CIT: variants seen among roughly 807,000 people sequenced by gnomAD.
CIT encodes the protein citron Rho-interacting kinase.
A neutral mutation model predicts 272.7 loss-of-function variants in CIT; 79 were observed. The ratio of observed to expected loss-of-function variants is 0.29; its 90% CI spans 0.24 to 0.35. The LOEUF (loss-of-function observed/expected upper bound fraction) is 0.35. CIT is among the 10% of genes least tolerant of loss of function. The pLI is 1.00. For synonymous variants in CIT, 948 were observed against 995.6 expected, an observed-to-expected ratio of 0.95 and a Z score of 0.90; for missense variants, 1,909 against 2,618.3, an observed-to-expected ratio of 0.73 and a Z score of 5.91.
chr12:119,794,583 C>T (rs888449787), intron 10 of CIT, among the ~76,000 whole-genome samples: 6 of 152,144 alleles, frequency 3.9e-5, no homozygotes, highest in Non-Finnish European at 8.8e-5. Flanking sequence ...GCACTGGATC[C>T]TACCAGAAGC....
chr12:119,724,079 C>G (rs956099553), intron 28 of CIT, among the ~76,000 whole-genome samples: 5 of 151,758 alleles, frequency 3.3e-5, no homozygotes, highest in African/African-American at 1.2e-4. Context: ...TCGCTTGAGC[C>G]CAGGAGTTTG....
chr12:119,744,714 CAAAAA>C (rs33990797), intron 23 of CIT, among the ~76,000 whole-genome samples: 2 of 103,534 alleles, frequency 1.9e-5, no homozygotes, highest in African/African-American at 7.6e-5. Context: ...GACTCCGCCT[CAAAAA>C]AAAAAAAAAA....
At chr12:119,717,017 A>G (rs1057067106) in intron 32 of CIT, among the ~76,000 whole-genome samples, 1 of 152,214 alleles carries the variant, frequency 6.6e-6, no homozygotes, top group Non-Finnish European at 1.5e-5. Context: ...TATGATATTT[A>G]TAAGAGAAAA....
At chr12:119,752,957 G>A (rs1009052706) in intron 22 of CIT, among the ~76,000 whole-genome samples, 6 of 152,282 alleles carry the variant, frequency 3.9e-5, no homozygotes, top group East Asian at 1.9e-4. Context: ...CAGGAATACC[G>A]CAGGTGGGTA....
At chr12:119,817,481 C>T (rs895870269) in intron 9 of CIT, among the ~76,000 whole-genome samples, 3 of 151,838 alleles carry the variant, frequency 2.0e-5, no homozygotes, top group African/African-American at 4.8e-5. Context: ...CACTGCACTC[C>T]GGCCTGGGCA....
At chr12:119,766,993 G>A (rs1450990529) in intron 19 of CIT, 94 bp downstream of exon 19, 2 of 782,746 alleles carry the variant, frequency 2.6e-6, no homozygotes, top group Non-Finnish European at 3.8e-6. Context: ...CAGTACTTTG[G>A]TCCAGCAAGA....
At chr12:119,803,478 T>G in intron 9 of CIT, 89 bp from the exon 10 acceptor site, 2 of 978,390 alleles carry the variant, frequency 2.0e-6, no homozygotes, top group Non-Finnish European at 3.0e-6. Flanking sequence ...GTCTTACTCC[T>G]TCGGCGCTGG....
At chr12:119,699,499 CCCTGG>C (rs1956428915) in intron 44 of CIT, among the ~76,000 whole-genome samples, 1 of 152,194 alleles carries the variant, frequency 6.6e-6, no homozygotes, top group South Asian at 2.1e-4. Flanking sequence ...CGGTGCAGTT[CCCTGG>C]CCTTGAATCT....
At chr12:119,741,497 T>C (rs540789269) in intron 24 of CIT, among the ~76,000 whole-genome samples, 1 of 152,364 alleles carries the variant, frequency 6.6e-6, no homozygotes, top group Non-Finnish European at 1.5e-5. Context: ...CTTTACTAGA[T>C]ACATTTTATA....
chr12:119,808,819 T>G (rs776190557), intron 9 of CIT, among the ~76,000 whole-genome samples: 14 of 152,118 alleles, frequency 9.2e-5, no homozygotes, highest in Non-Finnish European at 1.9e-4. Context: ...AAAGGAAGAG[T>G]ACCAAAAAAA....
chr12:119,840,825 T>C (rs1969360819), intron 5 of CIT, among the ~76,000 whole-genome samples: 1 of 152,224 alleles, frequency 6.6e-6, no homozygotes, highest in South Asian at 2.1e-4. Flanking sequence ...CATGTCTCAC[T>C]GTCAAAACTA....
chr12:119,724,930 C>CA (rs35757526), intron 28 of CIT, among the ~76,000 whole-genome samples: 15,124 of 44,208 alleles, frequency 0.34, 5,158 homozygotes, highest in Non-Finnish European at 0.43. Flanking sequence ...GACTCCATCT[C>CA]AAAAAAAAAA....
chr12:119,836,066 A>G (rs1593907549), intron 5 of CIT, among the ~76,000 whole-genome samples: 1 of 152,014 alleles, frequency 6.6e-6, no homozygotes, highest in Non-Finnish European at 1.5e-5. Flanking sequence ...AGGCAGGCGG[A>G]TCACAAGGTC....
intron 47 of CIT, among the ~76,000 whole-genome samples, chr12:119,689,430 A>T (rs945676474): frequency 1.3e-5 from 2 of 152,004 alleles, no homozygotes; most frequent in African/African-American, 4.8e-5. Flanking sequence ...ATGTGTGTGA[A>T]TCTATATCTA....
rs1398186314 is a variant in CIT at position 119,735,301 on chromosome 12, G to A, written c.3015C>T (p.Leu1005=). ...TGGACAAGTAGAAGTTTTGGTTGTTGAGTTCAGCGTTGTCCTCGGTCAGCT... is the reference window on the plus strand; with the variant it reads ...TGGACAAGTAGAAGTTTTGGTTGTTAAGTTCAGCGTTGTCCTCGGTCAGCT... ...LNQLTEDNAE[L]NNQNFYLSKQ... The change falls in exon 25 of 48, where the codon CTC becomes CTT. Residue 1005 remains leucine (L), a synonymous_variant. Transcript: ENST00000392521. 2 of 1,614,202 alleles carry A rather than the reference G, an allele frequency of 1.2e-6. No individual in the cohort carries two copies. The highest frequency in any genetic ancestry group is 1.7e-6 in the Non-Finnish European group (2 of 1,180,026).
intron 10 of CIT, among the ~76,000 whole-genome samples, chr12:119,791,292 C>A (rs1414136225): frequency 6.6e-6 from 1 of 152,178 alleles, no homozygotes; most frequent in Non-Finnish European, 1.5e-5. Flanking sequence ...ATACAGTGAC[C>A]TCCATCCATG....
intron 27 of CIT, among the ~76,000 whole-genome samples, chr12:119,729,847 A>G (rs1215895311): frequency 2.0e-5 from 3 of 152,236 alleles, no homozygotes; most frequent in Non-Finnish European, 4.4e-5. Flanking sequence ...GTGTCTATGT[A>G]TGCATCTGTG....
intron 5 of CIT, among the ~76,000 whole-genome samples, chr12:119,845,865 C>T (rs562953678): frequency 6.7e-6 from 1 of 149,184 alleles, no homozygotes; most frequent in Admixed American, 6.7e-5. Context: ...CAGGAGAACC[C>T]GGGAGGCAGA....
intron 3 of CIT, among the ~76,000 whole-genome samples, chr12:119,862,979 C>T (rs562032484): frequency 4.0e-5 from 6 of 149,136 alleles, no homozygotes; most frequent in East Asian, 4.0e-4. Context: ...ACGAGGCCGG[C>T]GGATCACAAG....
Sources: allele counts gnomAD v4.1 joint callset (sites outside exome capture counted in the v4.1 genomes callset), GRCh38; gene constraint gnomAD v4.1.1; transcripts MANE v1.5; gene names NCBI Gene and HGNC (gene_info 2026-07-23, HGNC 2026-07-21).